GSE1: variants seen among roughly 807,000 people sequenced by gnomAD.
GSE1 encodes genetic suppressor element 1.
Under a neutral mutation model 112.6 loss-of-function variants are expected in GSE1, and 32 were observed. That is an observed-to-expected ratio of 0.28 (90% CI 0.21 to 0.38). GSE1 has a LOEUF of 0.38. Among genes scored for constraint, GSE1 ranks in the 10% least tolerant of loss-of-function variants. GSE1 has a pLI of 1.00. For synonymous variants in GSE1, 1,115 were observed against 735.6 expected (o/e 1.52, Z -8.35); for missense variants, 2,348 against 1,699.2 (o/e 1.38, Z -6.71).
chr16:85,316,971 T>C (rs1597378528), intron 1 of GSE1, among the ~76,000 whole-genome samples: 1 of 152,106 alleles, frequency 6.6e-6, no homozygotes, highest in African/African-American at 2.4e-5. Flanking sequence ...CCACCTCTGT[T>C]GGGGGTGGGC....
chr16:85,381,596 G>A (rs564732726), intron 2 of GSE1, among the ~76,000 whole-genome samples: 19 of 152,312 alleles, frequency 1.2e-4, no homozygotes, highest in African/African-American at 2.2e-4. Context: ...TGTTACCTCC[G>A]TTTTACAGAT....
In GSE1 at chr16:85,654,871, A is replaced by C; in HGVS notation, c.677A>C (p.His226Pro). Residue 226 changes from histidine to proline, a missense_variant, in exon 5 of 16, where the codon CAC becomes CCC. Coordinates refer to ENST00000253458, the MANE Select transcript of GSE1 (RefSeq NM_014615.5). ...EDYLRSFRPY[H>P]TTDDLRMSSL... ...TACCTGAGAAGCTTCCGGCCCTACC[A>C]CACCACCGACGACCTCCGCATGTCC... 1 of 1,610,754 alleles carries C rather than the reference A, an allele frequency of 6.2e-7. No homozygotes were observed.
At chr16:85,552,887 CAT>C (rs2044995030), upstream of GSE1, among the ~76,000 whole-genome samples, 4 of 152,244 alleles carry the variant, frequency 2.6e-5, no homozygotes, top group Admixed American at 2.6e-4. Flanking sequence ...TGTGTAATGA[CAT>C]GTTTGCAAAT....
At chr16:85,327,412 G>T (rs993684269) in intron 1 of GSE1, among the ~76,000 whole-genome samples, 9 of 152,212 alleles carry the variant, frequency 5.9e-5, no homozygotes, top group Non-Finnish European at 1.2e-4. Context: ...AGACCAGCCT[G>T]GGCAGCATGG....
chr16:85,604,290 G>GCAT (rs1255983984), intron 1 of GSE1, among the ~76,000 whole-genome samples: 1 of 152,124 alleles, frequency 6.6e-6, no homozygotes, highest in African/African-American at 2.4e-5. Flanking sequence ...CTTCCATCCA[G>GCAT]CATCGTGTCT....
At chr16:85,196,495 GAGAA>G (rs1023045812) in intron 1 of GSE1, among the ~76,000 whole-genome samples, 8 of 152,114 alleles carry the variant, frequency 5.3e-5, no homozygotes, top group African/African-American at 1.7e-4. Flanking sequence ...TAATTTGAGA[GAGAA>G]AGAGAAAAAA....
rs769205650 is a variant in GSE1 at position 85,654,262 on chromosome 16, C to T, written c.427-16C>T. On this transcript the variant is annotated splice_polypyrimidine_tract_variant and intron_variant, in intron 3 of 15. Coordinates refer to ENST00000253458, the MANE Select transcript of GSE1 (RefSeq NM_014615.5). ...ATACCAGGCTCCTGCCCTGACTGGA[C>T]GCTCTCCTCCCGCAGGATGCCGGCT... is the stretch of plus-strand genomic sequence containing the variant. The T allele has an allele frequency of 2.5e-5, 39 of 1,576,124 alleles. No individual in the cohort carries two copies. Among genetic ancestry groups the T allele is most frequent in the Admixed American group, 3.6e-5 (2 of 54,932 alleles).
intron 1 of GSE1, among the ~76,000 whole-genome samples, chr16:85,330,687 GT>G (rs1476491735): frequency 1.3e-5 from 2 of 152,218 alleles, no homozygotes; most frequent in Non-Finnish European, 2.9e-5. Context: ...TGTTTAAAAT[GT>G]TTCATAATTA....
chr16:85,292,200 G>A (rs981163243), intron 1 of GSE1, among the ~76,000 whole-genome samples: 6 of 151,256 alleles, frequency 4.0e-5, no homozygotes, highest in South Asian at 4.2e-4. Context: ...GTGCAGTGGC[G>A]CAATCTTGGC....
chr16:85,611,406 G>C, upstream of GSE1: 8 of 945,596 alleles, frequency 8.5e-6, no homozygotes, highest in Non-Finnish European at 8.8e-6. Flanking sequence ...GCGCGGCCGA[G>C]CCACCGTGTG....
chr16:85,187,220 G>T lies in GSE1; in HGVS notation c.2283+15413G>T, dbSNP rs545277275. Among the ~76,000 whole-genome samples the T allele has an allele frequency of 2.0e-5, 3 of 152,376 alleles. No homozygotes were observed. The East Asian group carries it at 5.8e-4, about 29-fold the overall frequency. ...TAGGAGGCATGATGGGATCCCTTGT[G>T]ACTGTGGCTGCAGCAGCTCCAGGGC... On this transcript the variant is annotated intron_variant, in intron 1 of 2. Transcript: ENST00000637419.
At chr16:85,629,031 A>G (rs1482174602) in intron 1 of GSE1, among the ~76,000 whole-genome samples, 1 of 152,140 alleles carries the variant, frequency 6.6e-6, no homozygotes, top group Non-Finnish European at 1.5e-5. Context: ...CGCTCTCGCA[A>G]GATCTGGGTG....
chr16:85,480,966 C>T (rs565122983), intron 2 of GSE1, among the ~76,000 whole-genome samples: 1 of 152,254 alleles, frequency 6.6e-6, no homozygotes, highest in Non-Finnish European at 1.5e-5. Flanking sequence ...TCTTCCACCC[C>T]CTCCTGGGAC....
intron 1 of GSE1, among the ~76,000 whole-genome samples, chr16:85,624,051 G>T (rs1352398192): frequency 6.6e-6 from 1 of 152,162 alleles, no homozygotes; most frequent in African/African-American, 2.4e-5. Context: ...CCTCCACACT[G>T]GGGAGAGGAG....
chr16:85,356,692 A>G (rs1476716243), intron 1 of GSE1, among the ~76,000 whole-genome samples: 1 of 152,156 alleles, frequency 6.6e-6, no homozygotes, highest in African/African-American at 2.4e-5. Flanking sequence ...GGGTCTCCCT[A>G]TGTTGCCCAG....
intron 2 of GSE1, among the ~76,000 whole-genome samples, chr16:85,548,560 C>T (rs2044786641): frequency 1.3e-5 from 2 of 152,154 alleles, no homozygotes; most frequent in African/African-American, 2.4e-5. Flanking sequence ...ACACGTGTTG[C>T]TGCAAATGAC....
At chr16:85,410,326 A>G (rs1290635870) in intron 2 of GSE1, among the ~76,000 whole-genome samples, 2 of 23,576 alleles carry the variant, frequency 8.5e-5, no homozygotes, top group African/African-American at 2.5e-4. Flanking sequence ...TGTTACACTC[A>G]GGCCCCCCTG....
intron 2 of GSE1, among the ~76,000 whole-genome samples, chr16:85,362,027 G>A (rs142288839): frequency 1.3e-5 from 2 of 152,194 alleles, no homozygotes; most frequent in African/African-American, 2.4e-5. Context: ...TGAAGTGGCC[G>A]TCTGGGAGGT....
chr16:85,657,326 C>G lies in GSE1; in HGVS notation c.1362C>G (p.Pro454=), dbSNP rs557669041. Residue 454 remains proline (P), a synonymous_variant, in exon 8 of 16, where the codon CCC becomes CCG. Transcript: ENST00000253458. Reference sequence around the variant, plus strand: ...AGGCGCCCAAGCCCGTCCAACACCCCTTGCATCCGGTGCCCACCCCACACC... The same window carrying G: ...AGGCGCCCAAGCCCGTCCAACACCCGTTGCATCCGGTGCCCACCCCACACC... ...GLQAPKPVQH[P]LHPVPTPHHT... 1.2e-6 allele frequency: 2 copies of G among 1,606,024 alleles called. No homozygotes were observed. Among genetic ancestry groups the G allele is most frequent in the Non-Finnish European group, 8.5e-7 (1 of 1,177,026 alleles).
Sources: allele counts gnomAD v4.1 joint callset (sites outside exome capture counted in the v4.1 genomes callset), GRCh38; gene constraint gnomAD v4.1.1; transcripts MANE v1.5; gene names NCBI Gene and HGNC (gene_info 2026-07-23, HGNC 2026-07-21).